The following DNAH17 variants were observed in gnomAD, a reference collection of about 807,000 sequenced individuals.
DNAH17 encodes the protein axonemal beta dynein heavy chain 17.
In DNAH17, 376 loss-of-function variants were observed where a neutral mutation model predicts 485.6. The observed-to-expected ratio is 0.77, with a 90% confidence interval of 0.71 to 0.84. The LOEUF (loss-of-function observed/expected upper bound fraction) is 0.84. Ranked by LOEUF, DNAH17 falls within the 40% of genes least tolerant of loss-of-function variation. DNAH17 has a pLI of 0.00. For missense variants in DNAH17, 6,370 were observed against 5,839.3 expected, an observed-to-expected ratio of 1.09 and a Z score of -2.96; for synonymous variants, 3,031 against 2,405.9, an observed-to-expected ratio of 1.26 and a Z score of -7.60.
At chr17:78,526,816 A>G in intron 23 of DNAH17, 64 bp downstream of exon 23, 3 of 1,555,850 alleles carry the variant, frequency 1.9e-6, no homozygotes, top group Non-Finnish European at 2.6e-6. Flanking sequence ...TGTATGCCGC[A>G]GGGCCCTGGG....
chr17:78,444,709 G>C lies in DNAH17; in HGVS notation c.11423C>G (p.Ala3808Gly). The change falls in exon 71 of 81, where the codon GCC becomes GGC. Residue 3808 changes from alanine to glycine, a missense_variant. Coordinates refer to ENST00000389840, the MANE Select transcript of DNAH17 (RefSeq NM_173628.4). Reference sequence around the variant, plus strand: ...CTTGGGGAAGATCTCCTTCTCGGGGGCTTCCGACTCCACCAGCTTTTTCCA... The same window carrying C: ...CTTGGGGAAGATCTCCTTCTCGGGGCCTTCCGACTCCACCAGCTTTTTCCA... ...KRWKKLVESEAPEKEIFPKEW... is the reference protein window; with the variant it reads ...KRWKKLVESEGPEKEIFPKEW... 2 of 1,607,354 alleles carry C rather than the reference G, an allele frequency of 1.2e-6. No individual in the cohort carries two copies. The highest frequency in any genetic ancestry group is 3.3e-4 in the Middle Eastern group (2 of 6,022).
At position 78,426,445 on chromosome 17, in the gene DNAH17, A is replaced by T. The variant is rs750582028; in HGVS notation, c.12915+12T>A. The T allele has an allele frequency of 7.6e-6, 12 of 1,583,962 alleles. No homozygotes were observed. The highest frequency in any genetic ancestry group is 1.4e-5 in the African/African-American group (1 of 73,820). ...GAGTCTTAGGAAGCCTCTCAGAGAA[A>T]ACGGCACTTACCCTGATGCGGAGCA... On this transcript the variant is annotated intron_variant, in intron 79 of 80. Coordinates refer to ENST00000389840, the MANE Select transcript of DNAH17 (RefSeq NM_173628.4).
chr17:78,481,786 G>A (rs142569134), intron 48 of DNAH17, among the ~76,000 whole-genome samples: 1 of 152,230 alleles, frequency 6.6e-6, no homozygotes, highest in East Asian at 1.9e-4. Flanking sequence ...AGGCTGAGAT[G>A]GGCAGATCAC....
intron 14 of DNAH17, among the ~76,000 whole-genome samples, chr17:78,553,895 G>T (rs762511581): frequency 6.6e-5 from 10 of 152,168 alleles, no homozygotes; most frequent in Non-Finnish European, 1.3e-4. Flanking sequence ...CTAAGCCAAA[G>T]AAATACATGT....
intron 77 of DNAH17, 148 bp downstream of exon 77, chr17:78,428,377 C>G: frequency 1.0e-6 from 1 of 960,482 alleles, no homozygotes; most frequent in Non-Finnish European, 1.6e-6. Flanking sequence ...GGGCCATACC[C>G]CAGTGTTTCT....
In DNAH17 at chr17:78,476,696, G is replaced by A. The variant is rs1425326483; in HGVS notation, c.8030C>T (p.Pro2677Leu). ...TAGCCAAAGGCGGACGAGGTCCAGT[G>A]GGGTTTTCAGAACTTCTGCTGTGGA... is the stretch of plus-strand genomic sequence containing the variant. ...LFSTAEVLKTPLDLVRLWLHE... is the reference protein window; with the variant it reads ...LFSTAEVLKTLLDLVRLWLHE... The change falls in exon 52 of 81, where the codon CCA (proline) becomes CTA (leucine). Residue 2677 changes from proline to leucine, a missense_variant. Transcript: ENST00000389840. 1 of 1,612,962 alleles carries A rather than the reference G, an allele frequency of 6.2e-7. No homozygotes were observed. The highest frequency in any genetic ancestry group is 1.1e-5 in the South Asian group (1 of 90,786).
chr17:78,554,939 G>A (rs2091987683), intron 14 of DNAH17, among the ~76,000 whole-genome samples: 1 of 152,060 alleles, frequency 6.6e-6, no homozygotes, highest in East Asian at 1.9e-4. Context: ...TAGGGATAGG[G>A]TATTAGCACG....
chr17:78,570,871 A>AAC, intron 6 of DNAH17, 77 bp downstream of exon 6: 1 of 778,314 alleles, frequency 1.3e-6, no homozygotes, highest in East Asian at 3.4e-5. Context: ...AAAAAAAAAA[A>AAC]AAAAAAAGAA....
Position 78,490,693 on chromosome 17 carries a change from A to G in DNAH17, c.6818+6T>C. ...TTTGGAACAGGAAAGCCAAAGCCCC[A>G]CTCACGGGTTCCATCCCAGGTCGGC... On this transcript the variant is annotated splice_donor_region_variant and intron_variant, in intron 44 of 80. Transcript: ENST00000389840. 1 of 1,603,670 alleles carries G rather than the reference A, an allele frequency of 6.2e-7. No homozygotes were observed. The highest frequency in any genetic ancestry group is 1.1e-5 in the South Asian group (1 of 89,404).
chr17:78,561,687 C>G, intron 12 of DNAH17, 28 bp downstream of exon 12: 2 of 1,574,762 alleles, frequency 1.3e-6, no homozygotes, highest in African/African-American at 2.7e-5. Context: ...AGGCGGGGTG[C>G]CTGCCCCTGC....
intron 71 of DNAH17, among the ~76,000 whole-genome samples, chr17:78,444,316 A>G (rs2087189355): frequency 6.6e-6 from 1 of 152,186 alleles, no homozygotes; most frequent in Non-Finnish European, 1.5e-5. Context: ...CAGTCAGGTT[A>G]GCGGGGGACA....
intron 13 of DNAH17, among the ~76,000 whole-genome samples, chr17:78,559,642 A>G (rs892567864): frequency 1.3e-5 from 2 of 152,098 alleles, no homozygotes; most frequent in Admixed American, 6.5e-5. Context: ...TACGCACCTC[A>G]CAGCGTGGAG....
Position 78,572,913 on chromosome 17 carries a change from G to A in DNAH17, c.346-19C>T. The A allele has an allele frequency of 1.2e-6, 2 of 1,608,238 alleles. No individual in the cohort carries two copies. Among genetic ancestry groups the A allele is most frequent in the Non-Finnish European group, 1.7e-6 (2 of 1,177,058 alleles). On this transcript the variant is annotated intron_variant, in intron 2 of 80. Coordinates refer to ENST00000389840, the MANE Select transcript of DNAH17 (RefSeq NM_173628.4). ...AGAGGACCTAAAAGGAAACACTTCT[G>A]TGGTTCCGCCCCCTGTGCCTTCACC...
At chr17:78,466,239 C>T (rs375161549) in intron 56 of DNAH17, among the ~76,000 whole-genome samples, 2,242 of 152,148 alleles carry the variant, frequency 0.015, 41 homozygotes, top group South Asian at 0.11. Flanking sequence ...GCAGCATGCT[C>T]GTTAAGAGTC....
At position 78,444,665 on chromosome 17, in the gene DNAH17, C is replaced by T. The variant is rs1568059489; in HGVS notation, c.11467G>A (p.Ala3823Thr). 2 of 1,609,096 alleles carry T rather than the reference C, an allele frequency of 1.2e-6. No homozygotes were observed. Among genetic ancestry groups the T allele is most frequent in the African/African-American group, 1.3e-5 (1 of 74,748 alleles). ...CGCACCATGCACAGCTTCTGCAGGG[C>T]CGTCTTGTTCTTCCACTCCTTGGGG... Reference protein sequence around the residue: ...IFPKEWKNKTALQKLCMVRCL... With the variant: ...IFPKEWKNKTTLQKLCMVRCL... Residue 3823 changes from alanine to threonine, a missense_variant, in exon 71 of 81, where the codon GCC becomes ACC. Coordinates refer to ENST00000389840, the MANE Select transcript of DNAH17 (RefSeq NM_173628.4).
chr17:78,475,475 G>A lies in DNAH17; in HGVS notation c.8320-6C>T. On this transcript the variant is annotated splice_region_variant and splice_polypyrimidine_tract_variant and intron_variant, in intron 53 of 80. Transcript: ENST00000389840. ...ACGGCGTCCTCAAACAGCACCTGCA[G>A]AAACCGGAGAGATCCCACAACATCT... The A allele has an allele frequency of 1.2e-6, 2 of 1,613,618 alleles. No homozygotes were observed. The highest frequency in any genetic ancestry group is 8.5e-7 in the Non-Finnish European group (1 of 1,179,866).
chr17:78,477,331 G>A (rs1414641228), intron 51 of DNAH17, among the ~76,000 whole-genome samples: 2 of 152,168 alleles, frequency 1.3e-5, no homozygotes, highest in Admixed American at 6.5e-5. Context: ...GAGGGCTGAG[G>A]AGTGGCCTCT....
chr17:78,536,250 C>T (rs1964452), intron 19 of DNAH17, among the ~76,000 whole-genome samples: 92,831 of 151,524 alleles, frequency 0.61, 28,824 homozygotes, highest in African/African-American at 0.7. Flanking sequence ...CCATCCTGGC[C>T]AACATGGTGA....
chr17:78,510,691 A>C (rs867653), intron 26 of DNAH17, 185 bp from the exon 27 acceptor site: 7,726 of 715,902 alleles, frequency 0.011, 74 homozygotes, highest in Admixed American at 0.039. Flanking sequence ...TCCAAGCCTC[A>C]CCTTCCTTCC....
Sources: allele counts gnomAD v4.1 joint callset (sites outside exome capture counted in the v4.1 genomes callset), GRCh38; gene constraint gnomAD v4.1.1; transcripts MANE v1.5; gene names NCBI Gene and HGNC (gene_info 2026-07-23, HGNC 2026-07-21).